CTNNA3: variants seen among roughly 807,000 people sequenced by gnomAD.
The protein encoded by CTNNA3 is catenin alpha 3.
In CTNNA3, 76 loss-of-function variants were observed where a neutral mutation model predicts 95.7. The observed-to-expected ratio is 0.79, with a 90% CI of 0.66 to 0.96. CTNNA3 has a LOEUF of 0.96. CTNNA3 is among the 40% of genes least tolerant of loss of function. The pLI is 0.00. For synonymous variants in CTNNA3, 431 were observed against 374.4 expected, an observed-to-expected ratio of 1.15 and a Z score of -1.74; for missense variants, 1,191 against 1,089.8, an observed-to-expected ratio of 1.09 and a Z score of -1.31.
chr10:66,486,527 A>G (rs1839732089), intron 11 of CTNNA3, among the ~76,000 whole-genome samples: 1 of 152,192 alleles, frequency 6.6e-6, no homozygotes, highest in African/African-American at 2.4e-5. Context: ...GCTGTTACCA[A>G]AAAGACAAGA....
chr10:67,511,680 G>A (rs1220608170), intron 5 of CTNNA3, among the ~76,000 whole-genome samples: 1 of 152,166 alleles, frequency 6.6e-6, no homozygotes, highest in Non-Finnish European at 1.5e-5. Context: ...TCTCTGCCAG[G>A]CTTTGGTATC....
chr10:66,090,654 G>C (rs7919909), intron 14 of CTNNA3, among the ~76,000 whole-genome samples: 1 of 151,682 alleles, frequency 6.6e-6, no homozygotes, highest in Non-Finnish European at 1.5e-5. Flanking sequence ...CATCAGAAAC[G>C]AAGAGACATG....
At chr10:66,176,474 G>A (rs1179660035) in intron 13 of CTNNA3, among the ~76,000 whole-genome samples, 1 of 152,076 alleles carries the variant, frequency 6.6e-6, no homozygotes, top group Non-Finnish European at 1.5e-5. Flanking sequence ...ACAATGGAGA[G>A]ATCAGATAGT....
chr10:66,334,289 T>C (rs1564876259), intron 12 of CTNNA3, among the ~76,000 whole-genome samples: 1 of 152,012 alleles, frequency 6.6e-6, no homozygotes, highest in Non-Finnish European at 1.5e-5. Context: ...GCTGGTTATT[T>C]TGCTCGTTAG....
chr10:67,691,620 C>T (rs1210875066), intron 1 of CTNNA3, among the ~76,000 whole-genome samples: 7 of 151,864 alleles, frequency 4.6e-5, no homozygotes, highest in East Asian at 2.0e-4. Flanking sequence ...GCCTGGCAAC[C>T]GCCCCGTCTG....
At chr10:66,557,483 AAT>A (rs1462466955) in intron 10 of CTNNA3, among the ~76,000 whole-genome samples, 4 of 152,144 alleles carry the variant, frequency 2.6e-5, no homozygotes, top group Non-Finnish European at 4.4e-5. Context: ...AAACATTGTG[AAT>A]ATATTAAGCA....
intron 13 of CTNNA3, among the ~76,000 whole-genome samples, chr10:66,149,091 T>C (rs2084049369): frequency 6.7e-6 from 1 of 150,310 alleles, no homozygotes; most frequent in African/African-American, 2.4e-5. Context: ...GTTAACTATA[T>C]AGTAAAATTA....
chr10:66,483,438 A>G (rs966789602), intron 11 of CTNNA3, among the ~76,000 whole-genome samples: 2 of 152,146 alleles, frequency 1.3e-5, no homozygotes, highest in African/African-American at 2.4e-5. Flanking sequence ...CATTACATAG[A>G]ATTGAGGGCA....
At position 67,725,967 on chromosome 10, in the gene CTNNA3, AT is replaced by A. The variant is rs200035934; in HGVS notation, c.-2+37466del. On this transcript the variant is annotated intron_variant, in intron 1 of 17. Transcript: ENST00000684154. ...TTTAGTATATGTATATATAATATAT[AT>A]GTAATATATACTATATACTATATAT... Among the ~76,000 whole-genome samples the A allele has an allele frequency of 9.3e-3, 1,283 of 138,300 alleles. 25 individuals are homozygous for A. The highest frequency in any genetic ancestry group is 0.033 in the African/African-American group (1,216 of 36,936). 90.7% of individuals were successfully genotyped at this position (138,300 alleles called of 152,430 possible).
chr10:67,673,961 G>A (rs530534099), intron 1 of CTNNA3, among the ~76,000 whole-genome samples: 2 of 151,418 alleles, frequency 1.3e-5, no homozygotes, highest in Admixed American at 6.6e-5. Context: ...AATCAAGCAC[G>A]TTTCGGTAAT....
In CTNNA3 at chr10:66,164,624, G is replaced by T. The variant is rs571840908; in HGVS notation, c.1885-61375C>A. ...GAGAATTAAGTTAAATAATCCCAACGTGAACTAGAAAAAGAAAGAAAATCT... is the reference window on the plus strand; with the variant it reads ...GAGAATTAAGTTAAATAATCCCAACTTGAACTAGAAAAAGAAAGAAAATCT... On this transcript the variant is annotated intron_variant, in intron 13 of 17. Coordinates refer to ENST00000433211, the MANE Select transcript of CTNNA3 (RefSeq NM_013266.4). Among the ~76,000 whole-genome samples the T allele has an allele frequency of 9.9e-5, 15 of 151,716 alleles. No individual in the cohort carries two copies. The East Asian group carries it at 2.9e-3, about 29-fold the overall frequency.
chr10:67,759,180 G>A (rs1170553683), intron 1 of CTNNA3, among the ~76,000 whole-genome samples: 1 of 152,234 alleles, frequency 6.6e-6, no homozygotes, highest in South Asian at 2.1e-4. Context: ...CACTTTTCAC[G>A]ATACCTTTAA....
chr10:66,211,983 GT>G (rs61453326), intron 13 of CTNNA3, among the ~76,000 whole-genome samples: 13,809 of 94,124 alleles, frequency 0.15, 201 homozygotes, highest in Non-Finnish European at 0.18. Context: ...TTGTTTTTGG[GT>G]TTTTTTTTTT....
intron 12 of CTNNA3, among the ~76,000 whole-genome samples, chr10:66,351,370 A>AAGTT (rs1396086641): frequency 2.0e-5 from 3 of 152,066 alleles, no homozygotes; most frequent in African/African-American, 7.2e-5. Flanking sequence ...GAAGTTAAAT[A>AAGTT]ACTTACCTAC....
intron 7 of CTNNA3, among the ~76,000 whole-genome samples, chr10:67,024,924 A>AAAACTCC (rs1457780091): frequency 1.3e-5 from 2 of 152,072 alleles, no homozygotes; most frequent in Non-Finnish European, 2.9e-5. Context: ...TGAGGTCCGG[A>AAAACTCC]GTTTGAGACC....
chr10:67,236,718 CAT>C (rs1173245780), intron 5 of CTNNA3, among the ~76,000 whole-genome samples: 1 of 151,052 alleles, frequency 6.6e-6, no homozygotes, highest in Non-Finnish European at 1.5e-5. Context: ...GGCCAACAAA[CAT>C]ATGAAAAAAT....
intron 7 of CTNNA3, among the ~76,000 whole-genome samples, chr10:66,853,047 T>A (rs1407372165): frequency 6.7e-6 from 1 of 149,422 alleles, no homozygotes; most frequent in Non-Finnish European, 1.5e-5. Flanking sequence ...CCTGTTTTTG[T>A]ATGGTTCATG....
At chr10:66,914,410 T>C (rs1489756025) in intron 7 of CTNNA3, among the ~76,000 whole-genome samples, 1 of 152,086 alleles carries the variant, frequency 6.6e-6, no homozygotes, top group Non-Finnish European at 1.5e-5. Flanking sequence ...TTTTTAGTGA[T>C]TCACTCATTA....
rs2083704678 is a variant in CTNNA3, at chr10:66,143,235, G to A, written c.1885-39986C>T. Among the ~76,000 whole-genome samples, 3 of 152,032 alleles carry A rather than the reference G, an allele frequency of 2.0e-5. No homozygotes were observed. The South Asian group carries it at 6.2e-4, about 32-fold the overall frequency. Reference sequence around the variant, plus strand: ...ATGCTTACAGTACCAAAAAAGCATAGAGTTAGTTCAGTGTTTTTAAAGCTT... The same window carrying A: ...ATGCTTACAGTACCAAAAAAGCATAAAGTTAGTTCAGTGTTTTTAAAGCTT... On this transcript the variant is annotated intron_variant, in intron 13 of 17. Transcript: ENST00000433211.
Sources: allele counts gnomAD v4.1 joint callset (sites outside exome capture counted in the v4.1 genomes callset), GRCh38; gene constraint gnomAD v4.1.1; transcripts MANE v1.5; gene names NCBI Gene and HGNC (gene_info 2026-07-23, HGNC 2026-07-21).